PRDM12: variants seen among roughly 807,000 people sequenced by gnomAD.
PRDM12 encodes the protein PR/SET domain 12.
Under a neutral mutation model 29.6 loss-of-function variants are expected in PRDM12, and 17 were observed. The ratio of observed to expected loss-of-function variants is 0.57; its 90% confidence interval spans 0.39 to 0.86. The LOEUF (loss-of-function observed/expected upper bound fraction) is 0.86, where lower values mean the gene tolerates loss of function less well. PRDM12 is among the 40% of genes least tolerant of loss of function. The probability of loss-of-function intolerance (pLI) is 0.00; values close to 1 mark genes in which losing one functional copy is unlikely to be tolerated. For synonymous variants in PRDM12, 231 were observed against 225.8 expected (o/e 1.02, Z -0.21); for missense variants, 422 against 510.8 (o/e 0.83, Z 1.68).
chr9:130,670,841 G>T (rs920739994), intron 3 of PRDM12, among the ~76,000 whole-genome samples: 4 of 152,128 alleles, frequency 2.6e-5, no homozygotes, highest in Non-Finnish European at 5.9e-5. Context: ...TGGCAAGAGG[G>T]CTCCAGGCTG....
chr9:130,678,664 T>C, intron 4 of PRDM12, 24 bp downstream of exon 4: 2 of 1,558,368 alleles, frequency 1.3e-6, no homozygotes, highest in Non-Finnish European at 1.8e-6. Flanking sequence ...ATGGGGCCGC[T>C]GAGACACAGA....
chr9:130,666,840 G>A lies in PRDM12; in HGVS notation c.414+42G>A, dbSNP rs1158112557. The A allele has an allele frequency of 7.1e-6, 11 of 1,547,120 alleles. No homozygotes were observed. The East Asian group carries it at 1.4e-4, about 20-fold the overall frequency. ...GCAGAGGGGCGCAAGGGCCGGCGAG[G>A]GGCGCTGGTCGCGGGTAGGACTCGG... On this transcript the variant is annotated intron_variant, in intron 2 of 4. Transcript: ENST00000253008.
intron 4 of PRDM12, among the ~76,000 whole-genome samples, chr9:130,680,611 GGAGA>G (rs1830884771): frequency 8.2e-6 from 1 of 121,714 alleles, no homozygotes; most frequent in Non-Finnish European, 1.7e-5. Context: ...GGAGACAGAG[GGAGA>G]CTCCGTCTAA....
Position 130,668,371 on chromosome 9 carries a change from A to G in PRDM12, c.570+58A>G, listed in dbSNP as rs1588184944. On this transcript the variant is annotated intron_variant, in intron 3 of 4. Coordinates refer to ENST00000253008, the MANE Select transcript of PRDM12 (RefSeq NM_021619.3). This position sits in a 1 kb window ranked among gnomAD's most constrained non-coding sequence, Gnocchi z 4.0. ...ACCAGCCGGTAAACCCGGCGGGGGG[A>G]GGTGTGCAGGGCAGCGGTGTCCAGG... 6.2e-7 allele frequency: 1 copy of G among 1,602,110 alleles called. No individual in the cohort carries two copies. Among genetic ancestry groups the G allele is most frequent in the Non-Finnish European group, 8.5e-7 (1 of 1,172,528 alleles).
At position 130,668,395 on chromosome 9, in the gene PRDM12, G is replaced by A; in HGVS notation, c.570+82G>A. ...GAGGTGTGCAGGGCAGCGGTGTCCA[G>A]GAACCACAGTGGACAGAGGGGAGCT... On this transcript the variant is annotated intron_variant, in intron 3 of 4. Coordinates refer to ENST00000253008, the MANE Select transcript of PRDM12 (RefSeq NM_021619.3). The surrounding 1 kb of genome is among the most constrained non-coding windows in gnomAD (Gnocchi z 4.0). 6.3e-7 allele frequency: 1 copy of A among 1,585,054 alleles called. No homozygotes were observed. Among genetic ancestry groups the A allele is most frequent in the South Asian group, 1.1e-5 (1 of 87,232 alleles).
At chr9:130,680,665 T>A (rs1189434831) in intron 4 of PRDM12, among the ~76,000 whole-genome samples, 15 of 112,558 alleles carry the variant, frequency 1.3e-4, no homozygotes, top group South Asian at 2.9e-4. Context: ...ATATATTTTT[T>A]TTTTTTTTAA....
intron 3 of PRDM12, among the ~76,000 whole-genome samples, chr9:130,672,249 T>G (rs905332789): frequency 6.6e-6 from 1 of 152,256 alleles, no homozygotes; most frequent in Non-Finnish European, 1.5e-5. Context: ...TCATCTAGGC[T>G]GGAGTGCAAT....
At chr9:130,666,833 C>G (rs777041854) in intron 2 of PRDM12, 35 bp downstream of exon 2, 4 of 1,549,044 alleles carry the variant, frequency 2.6e-6, no homozygotes, top group Non-Finnish European at 3.5e-6. Context: ...GCGCAAGGGC[C>G]GGCGAGGGGC....
At chr9:130,673,169 C>T (rs1413436015) in intron 3 of PRDM12, among the ~76,000 whole-genome samples, 10 of 150,032 alleles carry the variant, frequency 6.7e-5, no homozygotes, top group African/African-American at 2.4e-4. Flanking sequence ...GCCAGCCAGG[C>T]CAGGCCTGAG....
intron 2 of PRDM12, 57 bp downstream of exon 2, chr9:130,666,855 G>A: frequency 6.5e-7 from 1 of 1,536,332 alleles, no homozygotes; most frequent in South Asian, 1.2e-5. Flanking sequence ...CTGGTCGCGG[G>A]TAGGACTCGG....
intron 3 of PRDM12, among the ~76,000 whole-genome samples, chr9:130,670,477 C>T (rs763601185): frequency 3.3e-5 from 5 of 152,074 alleles, no homozygotes; most frequent in Non-Finnish European, 5.9e-5. Flanking sequence ...AAAAACTGAG[C>T]GGTTCCTGAA....
chr9:130,671,576 A>G (rs1830789846), intron 3 of PRDM12, among the ~76,000 whole-genome samples: 1 of 152,204 alleles, frequency 6.6e-6, no homozygotes, highest in East Asian at 1.9e-4. Flanking sequence ...TTGTGGTGGC[A>G]GATTTCTCAA....
At chr9:130,673,092 TCCCTGCTCCC>T (rs2132597018) in intron 3 of PRDM12, among the ~76,000 whole-genome samples, 1 of 152,306 alleles carries the variant, frequency 6.6e-6, no homozygotes, top group East Asian at 1.9e-4. Flanking sequence ...CCTGAGCCTA[TCCCTGCTCCC>T]CAGAAAAGTG....
At position 130,682,171 on chromosome 9, in the gene PRDM12, G is replaced by A. The variant is rs1401351041; in HGVS notation, c.*502G>A. On this transcript the variant is annotated 3_prime_UTR_variant, in exon 5 of 5. Transcript: ENST00000253008. This position sits in a 1 kb window ranked among gnomAD's most constrained non-coding sequence, Gnocchi z 4.2. ...GGCGCCATCTCCTCTTCCGGCCCCT[G>A]GGACTGGTGTCCTGAAGTGTCGGGA... The A allele has an allele frequency of 6.6e-6, 1 of 152,370 alleles. No individual in the cohort carries two copies. The highest frequency in any genetic ancestry group is 1.5e-5 in the Non-Finnish European group (1 of 68,208). The allele number at this position is 152,370 out of a possible 1,614,324, so 9.4% of individuals were successfully genotyped here.
chr9:130,666,019 G>A (rs1018106073), intron 1 of PRDM12, among the ~76,000 whole-genome samples: 2 of 152,204 alleles, frequency 1.3e-5, no homozygotes, highest in Non-Finnish European at 2.9e-5. Flanking sequence ...GGACTCGGGC[G>A]CGCCCGGGGT....
intron 3 of PRDM12, among the ~76,000 whole-genome samples, chr9:130,675,307 G>A (rs748397053): frequency 6.6e-6 from 1 of 152,246 alleles, no homozygotes; most frequent in Non-Finnish European, 1.5e-5. Flanking sequence ...GGCTTGCTGA[G>A]CCTCCCATCT....
In PRDM12 at chr9:130,671,530, T is replaced by C. The variant is rs191734515; in HGVS notation, c.570+3217T>C. Among the ~76,000 whole-genome samples the C allele has an allele frequency of 9.1e-4, 139 of 152,294 alleles. 2 individuals carry two copies. Among genetic ancestry groups the C allele is most frequent in the Admixed American group, 3.6e-3 (55 of 15,290 alleles). The stretch of plus-strand genomic sequence containing the variant: ...CTGCGTGAATGACAAGGAAATAAAA[T>C]GCCACCCATTTTACTTTTAAAGTGG... On this transcript the variant is annotated intron_variant, in intron 3 of 4. Transcript: ENST00000253008.
Position 130,681,174 on chromosome 9 carries a change from G to A in PRDM12, c.683-74G>A. ...GGGCGCTGAGGGCCCGGGCTGCGGG[G>A]CGCCGGTTCTAACGGGGCTGCTCTC... On this transcript the variant is annotated intron_variant, in intron 4 of 4. Transcript: ENST00000253008. The surrounding 1 kb of genome is among the most constrained non-coding windows in gnomAD (Gnocchi z 8.1). 2 of 1,315,022 alleles carry A rather than the reference G, an allele frequency of 1.5e-6. No homozygotes were observed. The highest frequency in any genetic ancestry group is 2.0e-6 in the Non-Finnish European group (2 of 1,023,690). 81.5% of individuals were successfully genotyped at this position (1,315,022 alleles called of 1,614,324 possible).
chr9:130,678,086 G>A (rs1466773574), intron 3 of PRDM12, among the ~76,000 whole-genome samples: 1 of 152,010 alleles, frequency 6.6e-6, no homozygotes, highest in African/African-American at 2.4e-5. Context: ...GAACATTATC[G>A]CCTCAGGGTA....
Sources: gnomAD v4.1 joint callset for allele counts (sites outside exome capture counted in the v4.1 genomes callset) on GRCh38, gnomAD v4.1.1 for gene constraint, Gnocchi (gnomAD v3.1) non-coding constraint, MANE v1.5 for transcripts, NCBI Gene and HGNC (gene_info 2026-07-23, HGNC 2026-07-21) for gene names.